SPX: variants seen among roughly 807,000 people sequenced by gnomAD.
SPX encodes spexin.
SPX carries 22 observed loss-of-function variants against 19.2 expected under a neutral mutation model. That is an observed-to-expected ratio of 1.15 (90% CI 0.82 to 1.64). The LOEUF is 1.64. Ranked by LOEUF, SPX falls within the 40% of genes most tolerant of loss-of-function variation. SPX has a pLI of 0.00. For synonymous variants in SPX, 50 were observed against 53.3 expected, an observed-to-expected ratio of 0.94 and a Z score of 0.27; for missense variants, 143 against 137.7, an observed-to-expected ratio of 1.04 and a Z score of -0.19.
chr12:21,527,990 G>A, intron 4 of SPX: 1 of 572,708 alleles, frequency 1.7e-6, no homozygotes, highest in South Asian at 2.2e-5. Flanking sequence ...CCGGAGCTGG[G>A]AGCTCGCGCG....
rs775608528 is a variant in SPX, at chr12:21,526,439, A to G, written c.-34A>G. On this transcript the variant is annotated 5_prime_UTR_variant, in exon 1 of 6. Transcript: ENST00000256969. ...GAGTCGAAAACTCACAGATAAAGTT[A>G]TAGTTATTTCAGGGTTCTGAAAAGA... The G allele has an allele frequency of 1.3e-6, 2 of 1,577,028 alleles. No individual in the cohort carries two copies. Among genetic ancestry groups the G allele is most frequent in the Non-Finnish European group, 1.7e-6 (2 of 1,154,956 alleles).
At chr12:21,527,836 A>G (rs781734941) in intron 4 of SPX, 47 bp downstream of exon 4, 24 of 1,541,444 alleles carry the variant, frequency 1.6e-5, no homozygotes, top group Non-Finnish European at 2.0e-5. Flanking sequence ...CTTTTGGAAT[A>G]GGATGGGGCG....
At chr12:21,527,102 T>G (rs1035007580) in intron 2 of SPX, 33 bp from the exon 3 acceptor site, 2 of 1,608,830 alleles carry the variant, frequency 1.2e-6, no homozygotes, top group Non-Finnish European at 1.7e-6. Context: ...TGCAATGTTT[T>G]ATTAACTGCT....
At chr12:21,529,235 T>C in intron 5 of SPX, 151 bp downstream of exon 5, 1 of 680,566 alleles carries the variant, frequency 1.5e-6, no homozygotes, top group Non-Finnish European at 2.5e-6. Flanking sequence ...GGCCCAAGAA[T>C]CTCTGTCCTT....
chr12:21,527,129 C>T lies in SPX; in HGVS notation c.88-6C>T. On this transcript the variant is annotated splice_polypyrimidine_tract_variant and splice_region_variant and intron_variant, in intron 2 of 5. Transcript: ENST00000256969. ...TTAACTGCTCTTCCCTTCCCCCGGGCTATAGAGACTGTTGGAGAGAAGGAA... is the reference window on the plus strand; with the variant it reads ...TTAACTGCTCTTCCCTTCCCCCGGGTTATAGAGACTGTTGGAGAGAAGGAA... 6.2e-7 allele frequency: 1 copy of T among 1,613,712 alleles called. No individual in the cohort carries two copies. Among genetic ancestry groups the T allele is most frequent in the Non-Finnish European group, 8.5e-7 (1 of 1,179,764 alleles).
intron 5 of SPX, among the ~76,000 whole-genome samples, chr12:21,529,865 C>T (rs1397380910): frequency 1.3e-5 from 2 of 152,108 alleles, no homozygotes; most frequent in Non-Finnish European, 2.9e-5. Context: ...GACATGGAAC[C>T]CAGCGATTTT....
At chr12:21,528,120 G>C in intron 4 of SPX, 1 of 302,124 alleles carries the variant, frequency 3.3e-6, no homozygotes, top group Non-Finnish European at 6.2e-6. Flanking sequence ...GAGGTCCCCA[G>C]GGAGTTAGGA....
At position 21,527,802 on chromosome 12, in the gene SPX, G is replaced by T; in HGVS notation, c.208+13G>T. ...CGGCCACTGCCGGGTGAGTGACCAA[G>T]GGTGCAAGGGCGCTAGTCCTGCGCT... On this transcript the variant is annotated intron_variant, in intron 4 of 5. Coordinates refer to ENST00000256969, the MANE Select transcript of SPX (RefSeq NM_030572.4). 6.4e-7 allele frequency: 1 copy of T among 1,568,708 alleles called. No individual in the cohort carries two copies. Among genetic ancestry groups the T allele is most frequent in the Non-Finnish European group, 8.6e-7 (1 of 1,156,308 alleles).
At chr12:21,528,105 G>A (rs955508149) in intron 4 of SPX, 24 of 346,658 alleles carry the variant, frequency 6.9e-5, no homozygotes, top group Non-Finnish European at 1.3e-4. Flanking sequence ...CTGCCAGGGT[G>A]TGCAGAGGTC....
intron 1 of SPX, 111 bp downstream of exon 1, chr12:21,526,589 A>C: frequency 4.8e-6 from 5 of 1,041,686 alleles, no homozygotes; most frequent in Non-Finnish European, 7.1e-6. Context: ...AGGATATTTG[A>C]ACGATACGCC....
At chr12:21,527,087 T>G in intron 2 of SPX, 48 bp from the exon 3 acceptor site, 1 of 1,597,584 alleles carries the variant, frequency 6.3e-7, no homozygotes, top group Non-Finnish European at 8.6e-7. Flanking sequence ...AATAGAGGAC[T>G]GAGCTGCAAT....
chr12:21,528,477 G>C (rs1029792910), intron 4 of SPX, among the ~76,000 whole-genome samples: 5 of 152,108 alleles, frequency 3.3e-5, no homozygotes, highest in Non-Finnish European at 7.4e-5. Flanking sequence ...TACTTACTTG[G>C]AAAAATACCA....
At chr12:21,529,800 T>C (rs1943846634) in intron 5 of SPX, among the ~76,000 whole-genome samples, 1 of 152,186 alleles carries the variant, frequency 6.6e-6, no homozygotes, top group Non-Finnish European at 1.5e-5. Flanking sequence ...AGGTGTGAAA[T>C]AGTTGAATAA....
intron 3 of SPX, 141 bp from the exon 4 acceptor site, chr12:21,527,586 G>T: frequency 3.7e-6 from 3 of 815,114 alleles, no homozygotes; most frequent in East Asian, 2.7e-5. Context: ...CTGGAAACTC[G>T]GCAGCCCCGC....
At position 21,531,120 on chromosome 12, in the gene SPX, A is replaced by ATT; in HGVS notation, c.293-9_293-8dup. Reference sequence around the variant, plus strand: ...GCAGAGTGTATATTTATTTTAAAGAATTTTTTTTTCTTACAGATGAAGAAA... The same window carrying ATT: ...GCAGAGTGTATATTTATTTTAAAGAATTTTTTTTTTTCTTACAGATGAAGAAA... On this transcript the variant is annotated splice_polypyrimidine_tract_variant and intron_variant, in intron 5 of 5. Coordinates refer to ENST00000256969, the MANE Select transcript of SPX (RefSeq NM_030572.4). 1.4e-6 allele frequency: 2 copies of ATT among 1,453,420 alleles called. No individual in the cohort carries two copies. Among genetic ancestry groups the ATT allele is most frequent in the Admixed American group, 2.0e-5 (1 of 51,102 alleles). 90.0% of individuals were successfully genotyped at this position (1,453,420 alleles called of 1,614,324 possible).
At chr12:21,529,636 C>T (rs1012178950) in intron 5 of SPX, among the ~76,000 whole-genome samples, 1 of 152,162 alleles carries the variant, frequency 6.6e-6, no homozygotes, top group Non-Finnish European at 1.5e-5. Context: ...GACTTCCCCC[C>T]ACCTCCTGCC....
chr12:21,528,000 G>C (rs1033795418), intron 4 of SPX: 79 of 546,608 alleles, frequency 1.4e-4, no homozygotes, highest in Middle Eastern at 5.0e-4. Context: ...GAGCTCGCGC[G>C]TCCAGCCCCG....
At chr12:21,530,612 T>C (rs528113254) in intron 5 of SPX, among the ~76,000 whole-genome samples, 6 of 152,296 alleles carry the variant, frequency 3.9e-5, no homozygotes, top group African/African-American at 1.4e-4. Flanking sequence ...TCAGAAGTGA[T>C]ACCTCATGCT....
At chr12:21,528,138 T>G (rs1328375231) in intron 4 of SPX, 1 of 256,234 alleles carries the variant, frequency 3.9e-6, no homozygotes, top group African/African-American at 2.3e-5. Flanking sequence ...GGACCTGAGG[T>G]GCAGCTCAGA....
Sources: gnomAD v4.1 joint callset for allele counts (sites outside exome capture counted in the v4.1 genomes callset) on GRCh38, gnomAD v4.1.1 for gene constraint, MANE v1.5 for transcripts, NCBI Gene and HGNC (gene_info 2026-07-23, HGNC 2026-07-21) for gene names.